Variants in MYRF observed in about 807,000 individuals in gnomAD.
MYRF encodes the protein myelin regulatory factor.
MYRF carries 16 observed loss-of-function variants against 126.3 expected under a neutral mutation model. The observed-to-expected ratio is 0.13, with a 90% CI of 0.09 to 0.19. The LOEUF (loss-of-function observed/expected upper bound fraction) is 0.19. Ranked by LOEUF, MYRF falls within the 10% of genes least tolerant of loss-of-function variation. The pLI, the probability that MYRF is intolerant of heterozygous loss-of-function variation, is 1.00. For synonymous variants in MYRF, 608 were observed against 635.3 expected (o/e 0.96, Z 0.65); for missense variants, 1,104 against 1,547.0 (o/e 0.71, Z 4.80).
chr11:61,762,925 C>T (rs1026865800), intron 1 of MYRF, among the ~76,000 whole-genome samples: 1 of 152,152 alleles, frequency 6.6e-6, no homozygotes, highest in Non-Finnish European at 1.5e-5. Context: ...CCCCAAAGCA[C>T]ATCTGGTTCT....
At chr11:61,771,245 T>C (rs770602815) in intron 5 of MYRF, among the ~76,000 whole-genome samples, 3 of 152,200 alleles carry the variant, frequency 2.0e-5, no homozygotes, top group Non-Finnish European at 4.4e-5. Context: ...TTGCTGGGCA[T>C]GATGGAGACA....
intron 1 of MYRF, among the ~76,000 whole-genome samples, chr11:61,762,296 T>A (rs2065920638): frequency 6.6e-6 from 1 of 152,006 alleles, no homozygotes; most frequent in Admixed American, 6.6e-5. Context: ...TCCGGGTGTC[T>A]CCCCAGCAGT....
chr11:61,784,140 G>A, intron 24 of MYRF, 140 bp from the exon 25 acceptor site: 5 of 999,650 alleles, frequency 5.0e-6, no homozygotes, highest in Non-Finnish European at 7.4e-6. Flanking sequence ...GATGGGAAAG[G>A]TTTTGTTCGA....
chr11:61,780,859 C>T, intron 19 of MYRF, 67 bp downstream of exon 19: 3 of 1,574,736 alleles, frequency 1.9e-6, no homozygotes, highest in South Asian at 1.1e-5. Flanking sequence ...CCTCCCCTCC[C>T]TCTCTGCCTC....
Position 61,766,090 on chromosome 11 carries a change from C to T in MYRF, c.267C>T (p.Pro89=), listed in dbSNP as rs375125835. 6.3e-5 allele frequency: 101 copies of T among 1,606,686 alleles called. No homozygotes were observed. Among genetic ancestry groups the T allele is most frequent in the South Asian group, 3.3e-4 (30 of 91,024 alleles). The part of the protein sequence containing the change: ...GGGPSPGRHG[P]LPPPGYGTPL... ...GACCCTCCCCGGGGCGCCATGGTCC[C>T]CTCCCACCCCCGGGCTACGGCACCC... Residue 89 remains proline, a synonymous_variant, in exon 3 of 27, where the codon CCC becomes CCT. Transcript: ENST00000278836.
rs2066517811 is a variant in MYRF, at chr11:61,780,706, C to T, written c.2406-6C>T. ...TCTCACCCTTTGCCTTTTTGCTGCC[C>T]CTTAGCTCTTTTGCCGTGTCCACTT... On this transcript the variant is annotated splice_polypyrimidine_tract_variant and splice_region_variant and intron_variant, in intron 18 of 26. Transcript: ENST00000278836. 3.2e-6 allele frequency: 5 copies of T among 1,550,134 alleles called. No homozygotes were observed. The highest frequency in any genetic ancestry group is 4.4e-6 in the Non-Finnish European group (5 of 1,147,014).
At position 61,777,506 on chromosome 11, in the gene MYRF, G is replaced by T; in HGVS notation, c.1791+42G>T. 4 of 1,538,926 alleles carry T rather than the reference G, an allele frequency of 2.6e-6. No homozygotes were observed. The highest frequency in any genetic ancestry group is 3.5e-6 in the Non-Finnish European group (4 of 1,136,442). On this transcript the variant is annotated intron_variant, in intron 12 of 26. Coordinates refer to ENST00000278836, the MANE Select transcript of MYRF (RefSeq NM_001127392.3). This position sits in a 1 kb window ranked among gnomAD's most constrained non-coding sequence, Gnocchi z 8.8. ...GGGGGCCGGGCGGGTCCAGACGCTG[G>T]AGCGGGCCGCGGGGGCGGGGCTCCT...
Position 61,781,067 on chromosome 11 carries a change from G to A in MYRF, c.2572+22G>A, listed in dbSNP as rs760044815. The A allele has an allele frequency of 3.7e-6, 6 of 1,610,286 alleles. No individual in the cohort carries two copies. The South Asian group carries it at 6.6e-5, about 18-fold the overall frequency. Reference sequence around the variant, plus strand: ...CTGGGTGCGTGTCTGGGCAGGTCTGGGTAGGACAGGGAGGTTGCTATGTTC... The same window carrying A: ...CTGGGTGCGTGTCTGGGCAGGTCTGAGTAGGACAGGGAGGTTGCTATGTTC... On this transcript the variant is annotated intron_variant, in intron 20 of 26. Coordinates refer to ENST00000278836, the MANE Select transcript of MYRF (RefSeq NM_001127392.3).
chr11:61,779,804 G>GTCTGT (rs761636225), intron 16 of MYRF, 38 bp from the exon 17 acceptor site: 1 of 1,583,068 alleles, frequency 6.3e-7, no homozygotes, highest in South Asian at 1.1e-5. Flanking sequence ...CCTCAGCCTG[G>GTCTGT]CCCTCTTTGC....
Position 61,783,430 on chromosome 11 carries a change from C to A in MYRF, c.3017-68C>A. The stretch of plus-strand genomic sequence containing the variant: ...TAAGGTGTGAGTGACTGCTTCAAGT[C>A]TGGCAAGGAAAGACTTGCCAGCTTC... On this transcript the variant is annotated intron_variant, in intron 22 of 26. Coordinates refer to ENST00000278836, the MANE Select transcript of MYRF (RefSeq NM_001127392.3). The surrounding 1 kb of genome is among the most constrained non-coding windows in gnomAD (Gnocchi z 4.6). The A allele has an allele frequency of 1.6e-6, 2 of 1,276,144 alleles. No homozygotes were observed. Among genetic ancestry groups the A allele is most frequent in the South Asian group, 1.2e-5 (1 of 82,188 alleles). 79.1% of individuals were successfully genotyped at this position (1,276,144 alleles called of 1,614,324 possible).
intron 4 of MYRF, 119 bp downstream of exon 4, chr11:61,769,440 T>C: frequency 1.3e-6 from 1 of 756,512 alleles, no homozygotes; most frequent in East Asian, 2.7e-5. Flanking sequence ...GCTGAGATTA[T>C]CGCTGGTCAA....
intron 14 of MYRF, 144 bp from the exon 15 acceptor site, chr11:61,779,119 C>A: frequency 1.1e-6 from 1 of 878,546 alleles, no homozygotes; most frequent in Non-Finnish European, 1.7e-6. Context: ...GGGGCCCGCC[C>A]AGGTAGGGAG....
At chr11:61,752,850 C>T (rs1448481871) in intron 1 of MYRF, 60 bp downstream of exon 1, 2 of 1,423,366 alleles carry the variant, frequency 1.4e-6, no homozygotes, top group Non-Finnish European at 9.3e-7. Context: ...CGGCTGATCT[C>T]CCCGGGAACT....
intron 22 of MYRF, chr11:61,782,486 C>G (rs1393953040): frequency 6.6e-6 from 1 of 152,258 alleles, no homozygotes; most frequent in Admixed American, 6.5e-5. Flanking sequence ...TGCCAGGCAC[C>G]TGTTTACTGA....
At chr11:61,784,734 G>A (rs553514508) in intron 25 of MYRF, 194 of 224,836 alleles carry the variant, frequency 8.6e-4, no homozygotes, top group African/African-American at 4.0e-3. Flanking sequence ...GCAGAAGCAG[G>A]AAGGAGCCGA....
chr11:61,770,134 C>A (rs765093210), intron 4 of MYRF, 112 bp from the exon 5 acceptor site: 3 of 1,131,754 alleles, frequency 2.7e-6, no homozygotes, highest in Non-Finnish European at 1.2e-6. Context: ...GGGCAGCCCC[C>A]GGGCTTGGCT....
Position 61,766,027 on chromosome 11 carries a change from C to G in MYRF, c.204C>G (p.Gly68=). Residue 68 remains glycine, a synonymous_variant, in exon 3 of 27, where the codon GGC becomes GGG. Coordinates refer to ENST00000278836, the MANE Select transcript of MYRF (RefSeq NM_001127392.3). ...SYSHGQPAMP[G]SSGVHHLSPP... ...CCCACGGGCAGCCTGCGATGCCTGG[C>G]TCCAGCGGGGTCCACCACCTGAGCC... 6.3e-7 allele frequency: 1 copy of G among 1,592,370 alleles called. No homozygotes were observed. Among genetic ancestry groups the G allele is most frequent in the Non-Finnish European group, 8.5e-7 (1 of 1,171,790 alleles).
intron 5 of MYRF, 117 bp downstream of exon 5, chr11:61,770,642 C>T (rs1417427168): frequency 7.0e-6 from 7 of 1,006,134 alleles, no homozygotes; most frequent in Non-Finnish European, 7.2e-6. Context: ...CCAGGGAGGG[C>T]AGAAGGCTCT....
chr11:61,777,958 C>A lies in MYRF; in HGVS notation c.1903+113C>A. The A allele has an allele frequency of 1.2e-6, 1 of 837,302 alleles. No homozygotes were observed. The highest frequency in any genetic ancestry group is 1.5e-5 in the South Asian group (1 of 67,230). 51.9% of individuals were successfully genotyped at this position (837,302 alleles called of 1,614,324 possible). On this transcript the variant is annotated intron_variant, in intron 13 of 26. Transcript: ENST00000278836. This position sits in a 1 kb window ranked among gnomAD's most constrained non-coding sequence, Gnocchi z 8.8. ...ACTCCTCTTGACTCCCGGAACTGCG[C>A]CCCTGGGAATCATGCCTTCTAGAAG...
Sources: gnomAD v4.1 joint callset for allele counts (sites outside exome capture counted in the v4.1 genomes callset) on GRCh38, gnomAD v4.1.1 for gene constraint, Gnocchi (gnomAD v3.1) non-coding constraint, MANE v1.5 for transcripts, NCBI Gene and HGNC (gene_info 2026-07-23, HGNC 2026-07-21) for gene names.